Variants in MUC5B observed in about 807,000 individuals in gnomAD.
MUC5B encodes mucin 5B, oligomeric mucus/gel-forming.
A neutral mutation model predicts 376.9 loss-of-function variants in MUC5B; 116 were observed. The observed-to-expected ratio is 0.31, with a 90% CI of 0.26 to 0.36. The LOEUF (loss-of-function observed/expected upper bound fraction) is 0.36, where lower values mean the gene tolerates loss of function less well. MUC5B is among the 10% of genes least tolerant of loss of function. The pLI, the probability that MUC5B is intolerant of heterozygous loss-of-function variation, is 1.00. For synonymous variants in MUC5B, 3,517 were observed against 3,390.9 expected (o/e 1.04, Z -1.29); for missense variants, 7,165 against 7,769.9 (o/e 0.92, Z 2.93).
rs761351446 is a variant in MUC5B at position 1,227,559 on chromosome 11, G to T, written c.668-116G>T. The T allele has an allele frequency of 6.3e-5, 43 of 678,742 alleles. No homozygotes were observed. In the East Asian group the frequency reaches 1.1e-3, roughly 18 times the overall value. 42.0% of individuals were successfully genotyped at this position (678,742 alleles called of 1,614,324 possible). A position where few individuals can be genotyped will look rare whatever the true frequency, so the allele number is the denominator to read the frequency against. ...ATGGTGGGAGGAGTGCCCCTCGGGG[G>T]TGTTGGGCCCTAGGCAGGAGTGGGA... On this transcript the variant is annotated intron_variant, in intron 6 of 48. Coordinates refer to ENST00000529681, the MANE Select transcript of MUC5B (RefSeq NM_002458.3).
chr11:1,233,140 C>A lies in MUC5B; in HGVS notation c.2193C>A (p.Gly731=). ...TCSVSFVPVD[G]CTCPAGTFLN... ...GCGTTTCCTTCGTGCCTGTGGACGGCTGCACCTGCCCCGCGGGCACCTTCC... is the reference window on the plus strand; with the variant it reads ...GCGTTTCCTTCGTGCCTGTGGACGGATGCACCTGCCCCGCGGGCACCTTCC... Residue 731 remains glycine, a synonymous_variant, in exon 18 of 49, where the codon GGC becomes GGA. Transcript: ENST00000529681. 1.9e-6 allele frequency: 3 copies of A among 1,607,026 alleles called. No homozygotes were observed. The highest frequency in any genetic ancestry group is 2.5e-6 in the Non-Finnish European group (3 of 1,179,454).
intron 27 of MUC5B, 77 bp downstream of exon 27, chr11:1,239,643 G>C: frequency 6.6e-7 from 1 of 1,508,644 alleles, no homozygotes; most frequent in Non-Finnish European, 8.9e-7. Context: ...GGGATCCCCA[G>C]GGACGCGGTG....
chr11:1,255,324 C>T (rs978334886), intron 36 of MUC5B, 58 bp downstream of exon 36: 57 of 1,525,726 alleles, frequency 3.7e-5, no homozygotes, highest in South Asian at 2.3e-4. Context: ...CCCGCATGCA[C>T]GCACGCACGC....
At position 1,258,887 on chromosome 11, in the gene MUC5B, TCCTGG is replaced by T; in HGVS notation, c.16594-52_16594-48del. ...GGCCCCATTGGGTCATGGGGAGGGGTCCTGGCCCTGTTGCCCCACCAGTGCCCTCA... is the reference window on the plus strand; with the variant it reads ...GGCCCCATTGGGTCATGGGGAGGGGTCCCTGTTGCCCCACCAGTGCCCTCA... On this transcript the variant is annotated intron_variant, in intron 43 of 48. Coordinates refer to ENST00000529681, the MANE Select transcript of MUC5B (RefSeq NM_002458.3). The surrounding 1 kb of genome is among the most constrained non-coding windows in gnomAD (Gnocchi z 5.5). The T allele has an allele frequency of 6.5e-7, 1 of 1,546,168 alleles. No homozygotes were observed. Among genetic ancestry groups the T allele is most frequent in the Non-Finnish European group, 8.7e-7 (1 of 1,145,468 alleles).
At position 1,262,150 on chromosome 11, in the gene MUC5B, A is replaced by C; in HGVS notation, c.*542A>C. On this transcript the variant is annotated 3_prime_UTR_variant, in exon 49 of 49. Transcript: ENST00000529681. ...TCTGCTCAACCCAGCCCAGTTTTGC[A>C]AATAAACCCTGAGCATTGAGTACGT... 2.0e-6 allele frequency: 1 copy of C among 489,564 alleles called. No homozygotes were observed. Among genetic ancestry groups the C allele is most frequent in the Admixed American group, 2.2e-5 (1 of 46,300 alleles). The allele number at this position is 489,564 out of a possible 1,614,324, so 30.3% of individuals were successfully genotyped here.
At chr11:1,259,106 T>G (rs777684686) in intron 44 of MUC5B, 45 bp downstream of exon 44, 9 of 1,491,504 alleles carry the variant, frequency 6.0e-6, no homozygotes, top group Admixed American at 2.1e-5. Context: ...CCGAGGCACC[T>G]GCCCCCAAGT....
At position 1,258,061 on chromosome 11, in the gene MUC5B, T is replaced by C. The variant is rs905224388; in HGVS notation, c.16451-38T>C. ...GGGAACAAGTGGTCGGGAGGAGGAG[T>C]GAGCAGCGCCCAGACAGTGGCCTCC... On this transcript the variant is annotated intron_variant, in intron 41 of 48. Transcript: ENST00000529681. This position sits in a 1 kb window ranked among gnomAD's most constrained non-coding sequence, Gnocchi z 5.5. The C allele has an allele frequency of 2.0e-5, 30 of 1,523,012 alleles. No homozygotes were observed. Among genetic ancestry groups the C allele is most frequent in the Non-Finnish European group, 2.6e-5 (29 of 1,123,676 alleles). 94.3% of individuals were successfully genotyped at this position (1,523,012 alleles called of 1,614,324 possible).
Position 1,225,942 on chromosome 11 carries a change from AC to A in MUC5B, c.127+206del, listed in dbSNP as rs1861870402. 2.0e-5 allele frequency among the ~76,000 whole-genome samples: 3 copies of A among 152,364 alleles called. No individual in the cohort carries two copies. The South Asian group carries it at 6.2e-4, about 32-fold the overall frequency. ...AAGTGCAGAGCAGAGAGACATGCAC[AC>A]AGAAGCACACGCGTGGACAGGCACA... On this transcript the variant is annotated intron_variant, in intron 2 of 48. Transcript: ENST00000529681.
Position 1,251,521 on chromosome 11 carries a change from A to G in MUC5B, c.14641A>G (p.Thr4881Ala). 6.2e-7 allele frequency: 1 copy of G among 1,613,120 alleles called. No individual in the cohort carries two copies. The highest frequency in any genetic ancestry group is 1.7e-5 in the Admixed American group (1 of 60,022). Residue 4881 changes from threonine to alanine, a missense_variant, in exon 31 of 49, where the codon ACC (threonine) becomes GCC (alanine). By Grantham distance (58) the Thr-to-Ala change is moderately conservative (BLOSUM62 0). This residue lies in a region of MUC5B where 730 missense variants were observed against 592.7 expected (regional missense o/e 1.23). Coordinates refer to ENST00000529681, the MANE Select transcript of MUC5B (RefSeq NM_002458.3). ...LGTAHTPKVV[T>A]TMATMPTATA... ...AACAGCTCACACCCCCAAAGTGGTG[A>G]CCACCATGGCCACTATGCCCACAGC...
At position 1,257,405 on chromosome 11, in the gene MUC5B, C is replaced by A; in HGVS notation, c.16270-125C>A. ...CGTGGACGTGCCAGTGGCTGGTGTG[C>A]GCTTCCTGCCCCATCACTCTGGGCC... On this transcript the variant is annotated intron_variant, in intron 40 of 48. Coordinates refer to ENST00000529681, the MANE Select transcript of MUC5B (RefSeq NM_002458.3). This position sits in a 1 kb window ranked among gnomAD's most constrained non-coding sequence, Gnocchi z 8.9. 1 of 1,169,412 alleles carries A rather than the reference C, an allele frequency of 8.6e-7. No homozygotes were observed. The highest frequency in any genetic ancestry group is 1.3e-5 in the South Asian group (1 of 75,714). 72.4% of individuals were successfully genotyped at this position (1,169,412 alleles called of 1,614,324 possible).
Position 1,228,614 on chromosome 11 carries a change from C to A in MUC5B, c.825C>A (p.His275Gln). ...TGGGGCCGGCCTTTGCGGAGTGCCA[C>A]GCACTGGTGGACAGCACTGCGTACC... Reference protein sequence around the residue: ...TLLGPAFAECHALVDSTAYLA... With the variant: ...TLLGPAFAECQALVDSTAYLA... Residue 275 changes from histidine to glutamine, a missense_variant, in exon 8 of 49, where the codon CAC becomes CAA. Around this residue, in one of 31 missense-constraint regions of MUC5B, gnomAD observed 640 missense variants for 733.0 expected, o/e 0.87. Coordinates refer to ENST00000529681, the MANE Select transcript of MUC5B (RefSeq NM_002458.3). The A allele has an allele frequency of 1.3e-6, 2 of 1,533,426 alleles. No individual in the cohort carries two copies. The highest frequency in any genetic ancestry group is 1.7e-6 in the Non-Finnish European group (2 of 1,145,816). The allele number at this position is 1,533,426 out of a possible 1,614,324, so 95.0% of individuals were successfully genotyped here.
chr11:1,258,304 G>C lies in MUC5B; in HGVS notation c.16556-26G>C, dbSNP rs763531015. On this transcript the variant is annotated intron_variant, in intron 42 of 48. Coordinates refer to ENST00000529681, the MANE Select transcript of MUC5B (RefSeq NM_002458.3). The surrounding 1 kb of genome is among the most constrained non-coding windows in gnomAD (Gnocchi z 5.5). ...GAGCACATGCTCCCCACCACTTGTCGAGGGCTTAGCTCCCTTTCCTTCCAG... is the reference window on the plus strand; with the variant it reads ...GAGCACATGCTCCCCACCACTTGTCCAGGGCTTAGCTCCCTTTCCTTCCAG... 2 of 1,610,820 alleles carry C rather than the reference G, an allele frequency of 1.2e-6. No homozygotes were observed. The highest frequency in any genetic ancestry group is 4.5e-5 in the East Asian group (2 of 44,820).
In MUC5B at chr11:1,240,263, C is replaced by G. The variant is rs746763112; in HGVS notation, c.3858C>G (p.Ile1286Met). 5.0e-6 allele frequency: 8 copies of G among 1,613,564 alleles called. No homozygotes were observed. The highest frequency in any genetic ancestry group is 3.3e-4 in the Middle Eastern group (2 of 6,080). The change falls in exon 30 of 49, where the codon ATC becomes ATG. Residue 1286 changes from isoleucine to methionine, a missense_variant. Around this residue, in one of 31 missense-constraint regions of MUC5B, gnomAD observed 517 missense variants for 545.3 expected, o/e 0.95. Transcript: ENST00000529681. Reference sequence around the variant, plus strand: ...CCGATGGGCTTGGCGCCTGCTTGATCGCCATCTGCGGAAGCAACGGCACCA... The same window carrying G: ...CCGATGGGCTTGGCGCCTGCTTGATGGCCATCTGCGGAAGCAACGGCACCA... ...NTTDGLGACL[I>M]AICGSNGTII...
At position 1,259,118 on chromosome 11, in the gene MUC5B, AGAC is replaced by A. The variant is rs1862930152; in HGVS notation, c.16713+58_16713+60del. 3 of 1,480,946 alleles carry A rather than the reference AGAC, an allele frequency of 2.0e-6. No individual in the cohort carries two copies. In the East Asian group the frequency reaches 7.7e-5, roughly 38 times the overall value. 91.7% of individuals were successfully genotyped at this position (1,480,946 alleles called of 1,614,324 possible). ...CCCCCGAGGCACCTGCCCCCAAGTG[AGAC>A]CCGAGGCACCTGCCCCCAGGTGAGA... On this transcript the variant is annotated intron_variant, in intron 44 of 48. Coordinates refer to ENST00000529681, the MANE Select transcript of MUC5B (RefSeq NM_002458.3).
At position 1,254,187 on chromosome 11, in the gene MUC5B, A is replaced by C. The variant is rs752542823; in HGVS notation, c.15313A>C (p.Ile5105Leu). The C allele has an allele frequency of 6.2e-7, 1 of 1,612,852 alleles. No individual in the cohort carries two copies. The highest frequency in any genetic ancestry group is 8.5e-7 in the Non-Finnish European group (1 of 1,179,860). ...CTGCACCTATGTCCTCATGAGAGAG[A>C]TCCATGCACGCTTTGGGAATCTCAG... is the stretch of plus-strand genomic sequence containing the variant. ...GNCTYVLMRE[I>L]HARFGNLSLY... The change falls in exon 34 of 49, where the codon ATC becomes CTC. Residue 5105 changes from isoleucine (I) to leucine (L), a missense_variant. By Grantham distance (5) the Ile-to-Leu change is conservative (BLOSUM62 2). This residue lies in a region of MUC5B where 842 missense variants were observed against 1,016.9 expected (regional missense o/e 0.83). Transcript: ENST00000529681.
In MUC5B at chr11:1,253,270, C is replaced by T. The variant is rs954932780; in HGVS notation, c.15217+290C>T. ...TGTTAGTATGCAGGCTCCGTGTCCA[C>T]AGGGCTGAAAATGCTGACACAGCCC... On this transcript the variant is annotated intron_variant, in intron 33 of 48. Transcript: ENST00000529681. This position sits in a 1 kb window ranked among gnomAD's most constrained non-coding sequence, Gnocchi z 4.3. 6.6e-6 allele frequency among the ~76,000 whole-genome samples: 1 copy of T among 152,152 alleles called. No individual in the cohort carries two copies. The highest frequency in any genetic ancestry group is 2.4e-5 in the African/African-American group (1 of 41,420).
Position 1,247,907 on chromosome 11 carries a change from C to T in MUC5B, c.11027C>T (p.Ala3676Val), listed in dbSNP as rs1251354276. 1 of 1,611,786 alleles carries T rather than the reference C, an allele frequency of 6.2e-7. No homozygotes were observed. ...TACGGCCACTGCCCCAGCACCCCGG[C>T]CACCAGCTCTACGGCCACGCCCTCC... is the stretch of plus-strand genomic sequence containing the variant. ...CNYGHCPSTPATSSTATPSST... is the reference protein window; with the variant it reads ...CNYGHCPSTPVTSSTATPSST... Residue 3676 changes from alanine to valine, a missense_variant, in exon 31 of 49, where the codon GCC becomes GTC. Around this residue, in one of 31 missense-constraint regions of MUC5B, gnomAD observed 90 missense variants for 71.1 expected, o/e 1.27. Transcript: ENST00000529681.
rs1862864838 is a variant in MUC5B at position 1,257,303 on chromosome 11, C to A, written c.16269+32C>A. The stretch of plus-strand genomic sequence containing the variant: ...GGCTCCACCCCCACCTGCCCTACCC[C>A]ACCCTCTCGCGAGCTGAGGGAGGGA... On this transcript the variant is annotated intron_variant, in intron 40 of 48. Coordinates refer to ENST00000529681, the MANE Select transcript of MUC5B (RefSeq NM_002458.3). The surrounding 1 kb of genome is among the most constrained non-coding windows in gnomAD (Gnocchi z 8.9). 2.5e-6 allele frequency: 2 copies of A among 785,788 alleles called. No homozygotes were observed. Among genetic ancestry groups the A allele is most frequent in the Admixed American group, 1.7e-5 (1 of 59,000 alleles). 48.7% of individuals were successfully genotyped at this position (785,788 alleles called of 1,614,324 possible). A position where few individuals can be genotyped will look rare whatever the true frequency, so the allele number is the denominator to read the frequency against.
rs773456690 is a variant in MUC5B at position 1,247,392 on chromosome 11, C to G, written c.10512C>G (p.His3504Gln). Residue 3504 changes from histidine to glutamine, a missense_variant, in exon 31 of 49, where the codon CAC becomes CAG. Transcript: ENST00000529681. ...CAGCAACCACCAGTACCACCCAGCA[C>G]TCGACTCCAGCCCTGTCCAGCCCTC... Reference protein sequence around the residue: ...TPAATTSTTQHSTPALSSPHP... With the variant: ...TPAATTSTTQQSTPALSSPHP... 15 of 1,610,200 alleles carry G rather than the reference C, an allele frequency of 9.3e-6. No homozygotes were observed. In the East Asian group the frequency reaches 3.3e-4, roughly 36 times the overall value.
Sources: allele counts gnomAD v4.1 joint callset (sites outside exome capture counted in the v4.1 genomes callset), GRCh38; gene constraint gnomAD v4.1.1; regional missense constraint gnomAD v4.1.1; non-coding constraint Gnocchi (gnomAD v3.1); transcripts MANE v1.5; gene names NCBI Gene and HGNC (gene_info 2026-07-23, HGNC 2026-07-21).